Variants in PCDHGA3 observed in about 807,000 individuals in gnomAD.
PCDHGA3 encodes protocadherin gamma-A3.
PCDHGA3 carries 40 observed loss-of-function variants against 58.5 expected under a neutral mutation model. The ratio of observed to expected loss-of-function variants is 0.68; its 90% confidence interval spans 0.53 to 0.89. The LOEUF (loss-of-function observed/expected upper bound fraction) is 0.89. Among genes scored for constraint, PCDHGA3 ranks in the 40% least tolerant of loss-of-function variants. The pLI, the probability that PCDHGA3 is intolerant of heterozygous loss-of-function variation, is 0.00. For synonymous variants in PCDHGA3, 530 were observed against 525.7 expected (o/e 1.01, Z -0.11); for missense variants, 1,223 against 1,195.9 (o/e 1.02, Z -0.33).
At chr5:141,454,685 C>A (rs1305853379) in intron 1 of PCDHGA3, among the ~76,000 whole-genome samples, 1 of 151,844 alleles carries the variant, frequency 6.6e-6, no homozygotes, top group Non-Finnish European at 1.5e-5. Context: ...GGATTACAGG[C>A]ATGAGCCACC....
intron 1 of PCDHGA3, among the ~76,000 whole-genome samples, chr5:141,456,033 G>A (rs1398584179): frequency 6.6e-6 from 1 of 151,884 alleles, no homozygotes; most frequent in Non-Finnish European, 1.5e-5. Flanking sequence ...GAGTAGCTGG[G>A]ACTACAGGCG....
chr5:141,371,694 T>A lies in PCDHGA3; in HGVS notation c.2424+25237T>A, dbSNP rs1409788183. 6.8e-6 allele frequency: 11 copies of A among 1,613,912 alleles called. No homozygotes were observed. The Admixed American group carries it at 1.7e-4, about 24-fold the overall frequency. ...CGACAAAGGCAATCCACCGCTCTCC[T>A]CCAGCAAGACCATCACTCTGCACAT... On this transcript the variant is annotated intron_variant, in intron 1 of 3. Coordinates refer to ENST00000253812, the MANE Select transcript of PCDHGA3 (RefSeq NM_018916.4).
At chr5:141,380,730 T>C (rs1776691792) in intron 1 of PCDHGA3, among the ~76,000 whole-genome samples, 2 of 152,250 alleles carry the variant, frequency 1.3e-5, no homozygotes, top group Non-Finnish European at 2.9e-5. Context: ...CTTATTTCCT[T>C]TTCTCCAAAG....
At chr5:141,384,585 C>G in intron 1 of PCDHGA3, 2 of 1,614,246 alleles carry the variant, frequency 1.2e-6, no homozygotes, top group South Asian at 1.1e-5. Context: ...CGCCCGAGAT[C>G]CTGTACCCGG....
chr5:141,415,110 C>G (rs1490074484), intron 1 of PCDHGA3: 2 of 1,613,548 alleles, frequency 1.2e-6, no homozygotes, highest in East Asian at 2.2e-5. Flanking sequence ...TCAAGCAAAG[C>G]CTCGTAGTGG....
chr5:141,408,869 AG>A, intron 1 of PCDHGA3: 1 of 1,613,690 alleles, frequency 6.2e-7, no homozygotes, highest in Non-Finnish European at 8.5e-7. Context: ...CCCACCAAGA[AG>A]TGCCACCGCT....
At position 141,489,754 on chromosome 5, in the gene PCDHGA3, C is replaced by G; in HGVS notation, c.2425-5053C>G. 1 of 1,614,110 alleles carries G rather than the reference C, an allele frequency of 6.2e-7. No homozygotes were observed. The highest frequency in any genetic ancestry group is 8.5e-7 in the Non-Finnish European group (1 of 1,179,972). ...CACCAATACTGTGAGCTTTTACACT[C>G]TAAGCCCCAACAGCCACTTCTCTCT... On this transcript the variant is annotated intron_variant, in intron 1 of 3. Coordinates refer to ENST00000253812, the MANE Select transcript of PCDHGA3 (RefSeq NM_018916.4). The surrounding 1 kb of genome is among the most constrained non-coding windows in gnomAD (Gnocchi z 4.5).
rs748349148 is a variant in PCDHGA3 at position 141,356,186 on chromosome 5, C to A, written c.2424+9729C>A. ...GCCCATGATGGGCCTGGTCTCCGAG[C>A]TAGAAGCAAGGTACTGGTGACAGTT... is the stretch of plus-strand genomic sequence containing the variant. On this transcript the variant is annotated intron_variant, in intron 1 of 3. Coordinates refer to ENST00000253812, the MANE Select transcript of PCDHGA3 (RefSeq NM_018916.4). 4 of 1,611,094 alleles carry A rather than the reference C, an allele frequency of 2.5e-6. No individual in the cohort carries two copies. The Admixed American group carries it at 6.7e-5, about 27-fold the overall frequency.
rs369700145 is a variant in PCDHGA3 at position 141,346,172 on chromosome 5, G to A, written c.2139G>A (p.Ala713=). 3.7e-6 allele frequency: 6 copies of A among 1,614,068 alleles called. No homozygotes were observed. Among genetic ancestry groups the A allele is most frequent in the African/African-American group, 1.3e-5 (1 of 75,070 alleles). ...TGGCCTTCGTCATCGTGCTGCTGGCGCTCAGGCTGCGGCGCTGGCACAAGT... is the reference window on the plus strand; with the variant it reads ...TGGCCTTCGTCATCGTGCTGCTGGCACTCAGGCTGCGGCGCTGGCACAAGT... ...VFLAFVIVLL[A]LRLRRWHKSR... The change falls in exon 1 of 4, where the codon GCG becomes GCA. Residue 713 remains alanine, a synonymous_variant. Transcript: ENST00000253812.
Position 141,410,515 on chromosome 5 carries a change from G to A in PCDHGA3, c.2424+64058G>A, listed in dbSNP as rs373451539. The A allele has an allele frequency of 1.9e-6, 3 of 1,613,828 alleles. No homozygotes were observed. The African/African-American group carries it at 4.0e-5, about 22-fold the overall frequency. On this transcript the variant is annotated intron_variant, in intron 1 of 3. Coordinates refer to ENST00000253812, the MANE Select transcript of PCDHGA3 (RefSeq NM_018916.4). ...AGTTTAATTTCCTAAAATGCAGTGT[G>A]CCCCTACATTCCAATGAAGACATGG...
intron 1 of PCDHGA3, chr5:141,376,294 C>T (rs572453488): frequency 9.9e-6 from 16 of 1,614,226 alleles, no homozygotes; most frequent in East Asian, 2.2e-5. Context: ...GCATGCCCGG[C>T]TCGCACTTTG....
intron 1 of PCDHGA3, chr5:141,428,181 AG>A (rs776102500): frequency 6.7e-7 from 1 of 1,486,230 alleles, no homozygotes; most frequent in Admixed American, 1.8e-5. Context: ...GACGGAGGAC[AG>A]CCGCCGCTCT....
intron 1 of PCDHGA3, chr5:141,367,897 G>C (rs1471279698): frequency 6.6e-6 from 1 of 151,856 alleles, no homozygotes; most frequent in Admixed American, 6.6e-5. Flanking sequence ...TTGAGTTTAA[G>C]GTTGTATTTG....
chr5:141,399,203 G>C, intron 1 of PCDHGA3: 1 of 1,613,940 alleles, frequency 6.2e-7, no homozygotes, highest in Middle Eastern at 1.6e-4. Context: ...GCGGTGCCTG[G>C]AACACTAATT....
rs200533514 is a variant in PCDHGA3 at position 141,476,315 on chromosome 5, C to T, written c.2425-18492C>T. On this transcript the variant is annotated intron_variant, in intron 1 of 3. Transcript: ENST00000253812. This position sits in a 1 kb window ranked among gnomAD's most constrained non-coding sequence, Gnocchi z 7.6. The stretch of plus-strand genomic sequence containing the variant: ...CGGTAGCCTCTCAGCCCGCAGGTTC[C>T]GGGTGGTGTCTGGAGCTAGCCGAAG... 264 of 1,613,910 alleles carry T rather than the reference C, an allele frequency of 1.6e-4. No homozygotes were observed. The highest frequency in any genetic ancestry group is 2.1e-4 in the Non-Finnish European group (248 of 1,180,024).
rs563145930 is a variant in PCDHGA3 at position 141,392,984 on chromosome 5, GA to G, written c.2424+46529del. 408 of 1,613,914 alleles carry G rather than the reference GA, an allele frequency of 2.5e-4. 2 individuals carry two copies. In the African/African-American group the frequency reaches 4.6e-3, roughly 18 times the overall value. On this transcript the variant is annotated intron_variant, in intron 1 of 3. Transcript: ENST00000253812. The stretch of plus-strand genomic sequence containing the variant: ...CCAAGGACCTGGGGCTGGACCCCCG[GA>G]AGCTGGCGAAGCACGGAGTCCGTAT...
Position 141,383,215 on chromosome 5 carries a change from T to C in PCDHGA3, c.2424+36758T>C, listed in dbSNP as rs375026409. ...TCAGAGTGCGCGGTGTCTGGTAAAC[T>C]TTAACATCCTGATGGAAGATAAAAT... On this transcript the variant is annotated intron_variant, in intron 1 of 3. Coordinates refer to ENST00000253812, the MANE Select transcript of PCDHGA3 (RefSeq NM_018916.4). The C allele has an allele frequency of 5.6e-6, 9 of 1,613,884 alleles. No individual in the cohort carries two copies. The African/African-American group carries it at 1.2e-4, about 22-fold the overall frequency.
At chr5:141,424,956 T>A (rs1435882776) in intron 1 of PCDHGA3, among the ~76,000 whole-genome samples, 1 of 152,176 alleles carries the variant, frequency 6.6e-6, no homozygotes, top group African/African-American at 2.4e-5. Context: ...TTCTAGGTAT[T>A]TGCCCCAAAT....
intron 1 of PCDHGA3, chr5:141,370,436 G>T: frequency 6.2e-7 from 1 of 1,604,136 alleles, no homozygotes; most frequent in Non-Finnish European, 8.5e-7. Context: ...CAGGGCAGAG[G>T]CGAATGCTAT....
Sources: gnomAD v4.1 joint callset for allele counts (sites outside exome capture counted in the v4.1 genomes callset) on GRCh38, gnomAD v4.1.1 for gene constraint, Gnocchi (gnomAD v3.1) non-coding constraint, MANE v1.5 for transcripts, NCBI Gene and HGNC (gene_info 2026-07-23, HGNC 2026-07-21) for gene names.